Variants in PXDNL observed in about 807,000 individuals in gnomAD.
The protein encoded by PXDNL is probable oxidoreductase PXDNL.
Under a neutral mutation model 150.8 loss-of-function variants are expected in PXDNL, and 145 were observed. The ratio of observed to expected loss-of-function variants is 0.96; its 90% confidence interval spans 0.84 to 1.10. The LOEUF (loss-of-function observed/expected upper bound fraction) is 1.10, where lower values mean the gene tolerates loss of function less well. PXDNL is among the 50% of genes least tolerant of loss of function. PXDNL has a pLI of 0.00. For missense variants in PXDNL, 2,087 were observed against 1,873.9 expected, an observed-to-expected ratio of 1.11 and a Z score of -2.10; for synonymous variants, 757 against 725.7, an observed-to-expected ratio of 1.04 and a Z score of -0.69.
chr8:51,690,937 T>C (rs1815983174), intron 1 of PXDNL, among the ~76,000 whole-genome samples: 1 of 152,154 alleles, frequency 6.6e-6, no homozygotes, highest in Admixed American at 6.5e-5. Flanking sequence ...TGAGCATTTT[T>C]TCATGTGTCT....
intron 1 of PXDNL, 28 bp downstream of exon 1, chr8:51,809,153 G>T (rs374908085): frequency 1.2e-6 from 2 of 1,612,150 alleles, no homozygotes; most frequent in Non-Finnish European, 1.7e-6. Flanking sequence ...TGGGGAAGAG[G>T]GTTTCTGGGG....
intron 2 of PXDNL, among the ~76,000 whole-genome samples, chr8:51,644,430 A>G (rs147871458): frequency 0.016 from 2,096 of 131,696 alleles, 52 homozygotes; most frequent in African/African-American, 0.066. Flanking sequence ...ATATACACAT[A>G]TGTGTGTGTA....
At chr8:51,468,302 T>C (rs1055638237) in intron 8 of PXDNL, among the ~76,000 whole-genome samples, 12 of 151,968 alleles carry the variant, frequency 7.9e-5, no homozygotes, top group African/African-American at 2.4e-4. Context: ...TTATTCTTCA[T>C]CAGCTATTTT....
intron 14 of PXDNL, 127 bp from the exon 15 acceptor site, chr8:51,413,385 T>A: frequency 1.6e-6 from 1 of 612,146 alleles, no homozygotes; most frequent in East Asian, 2.8e-5. Flanking sequence ...ACAATGAAAA[T>A]GTTATACAAT....
At chr8:51,339,893 G>C in intron 20 of PXDNL, 140 bp from the exon 21 acceptor site, 1 of 699,628 alleles carries the variant, frequency 1.4e-6, no homozygotes, top group Non-Finnish European at 2.3e-6. Flanking sequence ...AAAGGAAAAT[G>C]GTATGAGTGG....
intron 2 of PXDNL, among the ~76,000 whole-genome samples, chr8:51,601,797 G>GTTTT (rs71550273): frequency 8.2e-5 from 12 of 146,618 alleles, no homozygotes; most frequent in East Asian, 2.0e-4. Context: ...TCTATTGTGG[G>GTTTT]TTTTTTTTTT....
chr8:51,588,911 G>GC (rs1271313571), intron 3 of PXDNL, among the ~76,000 whole-genome samples: 1 of 152,128 alleles, frequency 6.6e-6, no homozygotes, highest in Non-Finnish European at 1.5e-5. Flanking sequence ...CTGGGCAAGT[G>GC]CTATGGTTTT....
chr8:51,599,045 G>A (rs1813635174), intron 2 of PXDNL, among the ~76,000 whole-genome samples: 1 of 152,094 alleles, frequency 6.6e-6, no homozygotes, highest in South Asian at 2.1e-4. Flanking sequence ...AACAGTCTCT[G>A]AGGATCTTTT....
chr8:51,515,448 C>G (rs1038265863), intron 4 of PXDNL, among the ~76,000 whole-genome samples: 8 of 152,150 alleles, frequency 5.3e-5, no homozygotes, highest in Non-Finnish European at 7.3e-5. Flanking sequence ...TCCATGTTCT[C>G]CAGGCACTCT....
chr8:51,651,499 C>A (rs1243057572), intron 2 of PXDNL, among the ~76,000 whole-genome samples: 2 of 152,092 alleles, frequency 1.3e-5, no homozygotes, highest in African/African-American at 4.8e-5. Context: ...AGAAATACCC[C>A]CCAACCCCTC....
At chr8:51,510,361 A>G (rs1811386589) in intron 4 of PXDNL, among the ~76,000 whole-genome samples, 1 of 152,194 alleles carries the variant, frequency 6.6e-6, no homozygotes, top group Admixed American at 6.5e-5. Flanking sequence ...GTTTCTGGAA[A>G]AATTGAATTA....
intron 1 of PXDNL, among the ~76,000 whole-genome samples, chr8:51,696,858 G>A (rs1816158128): frequency 2.9e-5 from 3 of 103,496 alleles, no homozygotes; most frequent in Non-Finnish European, 6.0e-5. Flanking sequence ...CACACACACA[G>A]GTCCACACAC....
intron 17 of PXDNL, among the ~76,000 whole-genome samples, chr8:51,405,561 T>A (rs1022756785): frequency 5.9e-5 from 9 of 152,114 alleles, no homozygotes; most frequent in African/African-American, 1.9e-4. Flanking sequence ...GGAAAAGAAG[T>A]AATAAGATAA....
chr8:51,802,143 A>G (rs1159240834), intron 1 of PXDNL, among the ~76,000 whole-genome samples: 1 of 151,740 alleles, frequency 6.6e-6, no homozygotes, highest in Non-Finnish European at 1.5e-5. Flanking sequence ...AATTTTTTTA[A>G]GTATTTTTAG....
chr8:51,630,574 T>C (rs936582885), intron 2 of PXDNL, among the ~76,000 whole-genome samples: 1 of 151,968 alleles, frequency 6.6e-6, no homozygotes, highest in Non-Finnish European at 1.5e-5. Flanking sequence ...ATAAGGAATG[T>C]AAAGAAATCA....
chr8:51,410,105 A>T (rs1164399299), intron 16 of PXDNL, among the ~76,000 whole-genome samples: 1 of 152,236 alleles, frequency 6.6e-6, no homozygotes, highest in Non-Finnish European at 1.5e-5. Context: ...ACAAGGTCAA[A>T]GAAATATCAA....
intron 3 of PXDNL, among the ~76,000 whole-genome samples, chr8:51,569,680 T>C (rs769195679): frequency 1.3e-5 from 2 of 151,948 alleles, no homozygotes; most frequent in Non-Finnish European, 2.9e-5. Context: ...TTACTCATCA[T>C]ATTTTTTTCA....
chr8:51,642,099 C>T (rs1253713010), intron 2 of PXDNL, among the ~76,000 whole-genome samples: 1 of 151,586 alleles, frequency 6.6e-6, no homozygotes, highest in Admixed American at 6.6e-5. Context: ...AGTAAACTAT[C>T]ACAAGAACAA....
chr8:51,409,756 A>G (rs1278541185), intron 16 of PXDNL, among the ~76,000 whole-genome samples, 195 bp from the exon 17 acceptor site: 1 of 150,912 alleles, frequency 6.6e-6, no homozygotes, highest in East Asian at 2.0e-4. Context: ...AGATGTTTCC[A>G]GAAGATCCCG....
Sources: allele counts gnomAD v4.1 joint callset (sites outside exome capture counted in the v4.1 genomes callset), GRCh38; gene constraint gnomAD v4.1.1; transcripts MANE v1.5; gene names NCBI Gene and HGNC (gene_info 2026-07-23, HGNC 2026-07-21).